Variants in EIF2S1 observed in about 807,000 individuals in gnomAD.
EIF2S1 encodes eukaryotic translation initiation factor 2 subunit alpha.
EIF2S1 carries 5 observed loss-of-function variants against 33.5 expected under a neutral mutation model. The ratio of observed to expected loss-of-function variants is 0.15; its 90% CI spans 0.08 to 0.31. EIF2S1 has a LOEUF of 0.31. Among genes scored for constraint, EIF2S1 ranks in the 10% least tolerant of loss-of-function variants. EIF2S1 has a pLI of 1.00. For synonymous variants in EIF2S1, 99 were observed against 127.5 expected, an observed-to-expected ratio of 0.78 and a Z score of 1.51; for missense variants, 191 against 384.6, an observed-to-expected ratio of 0.50 and a Z score of 4.21.
chr14:67,384,331 A>G lies in EIF2S1; in HGVS notation c.*891A>G, dbSNP rs2085906631. 1 of 151,056 alleles carries G rather than the reference A, an allele frequency of 6.6e-6. No homozygotes were observed. The highest frequency in any genetic ancestry group is 2.4e-5 in the African/African-American group (1 of 41,142). 9.4% of individuals were successfully genotyped at this position (151,056 alleles called of 1,614,324 possible). A position where few individuals can be genotyped will look rare whatever the true frequency, so the allele number is the denominator to read the frequency against. On this transcript the variant is annotated 3_prime_UTR_variant, in exon 8 of 8. Coordinates refer to ENST00000256383, the MANE Select transcript of EIF2S1 (RefSeq NM_004094.5). ...ATGCCACCTAGAGCTCCAGTTCTTT[A>G]TAACAAAACAGGGATCTGTTTGAAC...
At chr14:67,367,846 A>G (rs78463647) in intron 2 of EIF2S1, among the ~76,000 whole-genome samples, 6 of 152,086 alleles carry the variant, frequency 3.9e-5, no homozygotes, top group African/African-American at 7.2e-5. Flanking sequence ...AAAAAAAAAA[A>G]AGAGAGAGGT....
intron 1 of EIF2S1, 60 bp from the exon 2 acceptor site, chr14:67,364,707 A>ATT (rs929070142): frequency 7.4e-7 from 1 of 1,356,876 alleles, no homozygotes; most frequent in Non-Finnish European, 9.9e-7. Context: ...GTGGAAATTG[A>ATT]TTTTTTTTTT....
chr14:67,372,410 A>G (rs1394241032), intron 2 of EIF2S1, among the ~76,000 whole-genome samples: 2 of 152,242 alleles, frequency 1.3e-5, no homozygotes, highest in Non-Finnish European at 1.5e-5. Context: ...TAAAAGCGTT[A>G]TCCATGAAAG....
At chr14:67,370,077 G>A (rs970911709) in intron 2 of EIF2S1, among the ~76,000 whole-genome samples, 2 of 152,250 alleles carry the variant, frequency 1.3e-5, no homozygotes, top group Non-Finnish European at 2.9e-5. Context: ...GAAGGGATGG[G>A]CCGAATTAAT....
intron 7 of EIF2S1, 55 bp from the exon 8 acceptor site, chr14:67,383,260 T>C (rs2085899519): frequency 1.3e-6 from 2 of 1,573,222 alleles, no homozygotes; most frequent in African/African-American, 2.7e-5. Flanking sequence ...GTATTGAAAT[T>C]AAATTTGTAT....
intron 7 of EIF2S1, among the ~76,000 whole-genome samples, chr14:67,382,992 G>T (rs903773325): frequency 6.6e-6 from 1 of 152,008 alleles, no homozygotes; most frequent in Non-Finnish European, 1.5e-5. Flanking sequence ...TGGAAGACAG[G>T]TTTTTTTAAC....
intron 1 of EIF2S1, 179 bp from the exon 2 acceptor site, chr14:67,364,588 G>T: frequency 3.5e-6 from 2 of 564,300 alleles, no homozygotes; most frequent in Non-Finnish European, 5.9e-6. Context: ...ATTAAAGCTT[G>T]GTTCCTGAAC....
chr14:67,372,502 C>T (rs1398118446), intron 2 of EIF2S1, among the ~76,000 whole-genome samples: 1 of 152,020 alleles, frequency 6.6e-6, no homozygotes, highest in Non-Finnish European at 1.5e-5. Context: ...AAAGACAAAC[C>T]AGCATATTTT....
intron 2 of EIF2S1, among the ~76,000 whole-genome samples, chr14:67,365,540 CGTG>C (rs1298684405): frequency 2.0e-5 from 3 of 152,204 alleles, no homozygotes; most frequent in African/African-American, 4.8e-5. Flanking sequence ...TACCAGATCT[CGTG>C]GTATCTTTCA....
chr14:67,365,363 G>T (rs1271495627), intron 2 of EIF2S1, among the ~76,000 whole-genome samples: 1 of 152,188 alleles, frequency 6.6e-6, no homozygotes, highest in African/African-American at 2.4e-5. Flanking sequence ...CCTTTTTCTT[G>T]ATTTAAAGCT....
chr14:67,367,091 C>T (rs1332293523), intron 2 of EIF2S1, among the ~76,000 whole-genome samples: 2 of 152,092 alleles, frequency 1.3e-5, no homozygotes, highest in African/African-American at 2.4e-5. Context: ...CTGGTTTGTC[C>T]CTGAACTACT....
chr14:67,375,678 C>T (rs550478142), intron 3 of EIF2S1, among the ~76,000 whole-genome samples: 4 of 152,278 alleles, frequency 2.6e-5, no homozygotes, highest in African/African-American at 9.6e-5. Context: ...GTGGTTTACA[C>T]ATTTGAAAAC....
At position 67,383,863 on chromosome 14, in the gene EIF2S1, A is replaced by G; in HGVS notation, c.*423A>G. On this transcript the variant is annotated 3_prime_UTR_variant, in exon 8 of 8. Transcript: ENST00000256383. ...AAATAAATTTCTGGGATATTTAACTATAGGCTTCTTCCTTCTTGTCACCAG... is the reference window on the plus strand; with the variant it reads ...AAATAAATTTCTGGGATATTTAACTGTAGGCTTCTTCCTTCTTGTCACCAG... 2 of 237,152 alleles carry G rather than the reference A, an allele frequency of 8.4e-6. No individual in the cohort carries two copies. Among genetic ancestry groups the G allele is most frequent in the East Asian group, 1.1e-4 (1 of 8,984 alleles). The allele number at this position is 237,152 out of a possible 1,614,324, so 14.7% of individuals were successfully genotyped here. A position where few individuals can be genotyped will look rare whatever the true frequency, so the allele number is the denominator to read the frequency against.
chr14:67,378,468 TTAAA>T (rs2085869590), intron 4 of EIF2S1, among the ~76,000 whole-genome samples: 1 of 152,134 alleles, frequency 6.6e-6, no homozygotes, highest in African/African-American at 2.4e-5. Context: ...GAAGCTGAGA[TTAAA>T]TAATTTGTTC....
chr14:67,380,598 G>A, intron 4 of EIF2S1, 61 bp from the exon 5 acceptor site: 2 of 907,302 alleles, frequency 2.2e-6, no homozygotes, highest in Admixed American at 2.8e-5. Flanking sequence ...ATAGTGTTTG[G>A]TTTCACATTT....
intron 3 of EIF2S1, 86 bp from the exon 4 acceptor site, chr14:67,376,353 C>T (rs1009817084): frequency 3.4e-5 from 44 of 1,288,838 alleles, no homozygotes; most frequent in South Asian, 3.1e-5. Context: ...ATTATTGTAG[C>T]CAAATTATGT....
At chr14:67,367,828 C>T (rs1404071022) in intron 2 of EIF2S1, among the ~76,000 whole-genome samples, 1 of 149,394 alleles carries the variant, frequency 6.7e-6, no homozygotes, top group African/African-American at 2.5e-5. Context: ...AGAACCAGAC[C>T]TTGTCTCAAA....
At position 67,360,389 on chromosome 14, in the gene EIF2S1, A is replaced by T; in HGVS notation, c.-69A>T. 2 of 395,790 alleles carry T rather than the reference A, an allele frequency of 5.1e-6. No homozygotes were observed. The highest frequency in any genetic ancestry group is 4.5e-6 in the Non-Finnish European group (1 of 224,714). The allele number at this position is 395,790 out of a possible 1,614,324, so 24.5% of individuals were successfully genotyped here. A position where few individuals can be genotyped will look rare whatever the true frequency, so the allele number is the denominator to read the frequency against. ...GATCGGCGGCCGGTGAGGGGGAAGC[A>T]AGTCTGGTCTCTGTGATTGAAGAAG... On this transcript the variant is annotated 5_prime_UTR_variant, in exon 1 of 8. Coordinates refer to ENST00000256383, the MANE Select transcript of EIF2S1 (RefSeq NM_004094.5).
chr14:67,379,642 T>TTTTTTC (rs2085875205), intron 4 of EIF2S1, among the ~76,000 whole-genome samples: 2 of 145,462 alleles, frequency 1.4e-5, no homozygotes, highest in South Asian at 2.2e-4. Flanking sequence ...ATAACTTTCT[T>TTTTTTC]TTTTTCTTTT....
Sources: gnomAD v4.1 joint callset for allele counts (sites outside exome capture counted in the v4.1 genomes callset) on GRCh38, gnomAD v4.1.1 for gene constraint, MANE v1.5 for transcripts, NCBI Gene and HGNC (gene_info 2026-07-23, HGNC 2026-07-21) for gene names.